The following FSIP1 variants were observed in gnomAD, a reference collection of about 807,000 sequenced individuals.
FSIP1 encodes fibrous sheath interacting protein 1, also known as fibrous sheath-interacting protein 1.
Under a neutral mutation model 60.9 loss-of-function variants are expected in FSIP1, and 65 were observed. That is an observed-to-expected ratio of 1.07 (90% CI 0.87 to 1.31). The LOEUF is 1.31. Among genes scored for constraint, FSIP1 ranks in the 40% most tolerant of loss-of-function variants. The probability of loss-of-function intolerance (pLI) is 0.00; values close to 1 mark genes in which losing one functional copy is unlikely to be tolerated. For synonymous variants in FSIP1, 209 were observed against 221.2 expected (o/e 0.94, Z 0.49); for missense variants, 675 against 665.5 (o/e 1.01, Z -0.16).
intron 10 of FSIP1, among the ~76,000 whole-genome samples, chr15:39,634,630 C>A (rs1337588380): frequency 6.6e-6 from 1 of 152,218 alleles, no homozygotes; most frequent in South Asian, 2.1e-4. Flanking sequence ...CTTTCTCAAA[C>A]CATTTTCCCC....
intron 6 of FSIP1, among the ~76,000 whole-genome samples, chr15:39,740,663 G>A (rs185125379): frequency 6.6e-6 from 1 of 152,084 alleles, no homozygotes; most frequent in Non-Finnish European, 1.5e-5. Flanking sequence ...ATTTAATTTT[G>A]TTTTATAAGG....
intron 8 of FSIP1, among the ~76,000 whole-genome samples, chr15:39,732,589 A>C (rs1210951199): frequency 7.2e-6 from 1 of 138,334 alleles, no homozygotes; most frequent in Non-Finnish European, 1.5e-5. Flanking sequence ...ATTGCACTCC[A>C]GTGTGGGTGA....
chr15:39,619,917 G>A (rs1332356764), intron 10 of FSIP1, among the ~76,000 whole-genome samples: 2 of 152,116 alleles, frequency 1.3e-5, no homozygotes, highest in Non-Finnish European at 1.5e-5. Context: ...AAGGGTAGGA[G>A]GGAGGATTGG....
intron 10 of FSIP1, among the ~76,000 whole-genome samples, chr15:39,660,354 G>T (rs1356499496): frequency 6.6e-6 from 1 of 152,152 alleles, no homozygotes; most frequent in African/African-American, 2.4e-5. Flanking sequence ...TAGCCCACAC[G>T]ACATTCAAAT....
intron 5 of FSIP1, among the ~76,000 whole-genome samples, chr15:39,753,344 C>A (rs941081824): frequency 1.5e-4 from 23 of 152,154 alleles, no homozygotes; most frequent in African/African-American, 5.5e-4. Context: ...GTTCACACAG[C>A]CTGACAAAGC....
intron 10 of FSIP1, among the ~76,000 whole-genome samples, chr15:39,620,002 AT>A (rs1445276542): frequency 6.6e-6 from 1 of 152,190 alleles, no homozygotes; most frequent in East Asian, 1.9e-4. Flanking sequence ...CTGATGATGT[AT>A]TTGGCTAAAT....
chr15:39,675,665 G>C (rs183153254), intron 10 of FSIP1, among the ~76,000 whole-genome samples: 17 of 151,938 alleles, frequency 1.1e-4, no homozygotes, highest in Admixed American at 9.2e-4. Context: ...ATTAAACCAG[G>C]GATCAACGTA....
intron 5 of FSIP1, among the ~76,000 whole-genome samples, chr15:39,758,129 C>G (rs145404723): frequency 3.7e-4 from 57 of 152,188 alleles, no homozygotes; most frequent in African/African-American, 1.4e-3. Context: ...AGTCACATAA[C>G]TCCAGAAATA....
intron 10 of FSIP1, among the ~76,000 whole-genome samples, chr15:39,646,572 G>A (rs1160857755): frequency 1.4e-5 from 2 of 138,616 alleles, no homozygotes; most frequent in Non-Finnish European, 3.1e-5. Flanking sequence ...ATGTGTGCCT[G>A]TAGTCCCAGC....
intron 10 of FSIP1, among the ~76,000 whole-genome samples, 190 bp downstream of exon 10, chr15:39,713,254 T>C (rs1595649251): frequency 6.6e-6 from 1 of 152,154 alleles, no homozygotes; most frequent in Admixed American, 6.5e-5. Flanking sequence ...GTACAAGTGT[T>C]GGTTACAATT....
At chr15:39,779,009 G>A (rs1284909234) in intron 1 of FSIP1, among the ~76,000 whole-genome samples, 2 of 152,090 alleles carry the variant, frequency 1.3e-5, no homozygotes, top group African/African-American at 2.4e-5. Flanking sequence ...ATGTGGCTAC[G>A]TAATAGTTAA....
chr15:39,644,255 C>T (rs931548568), intron 10 of FSIP1, among the ~76,000 whole-genome samples: 8 of 152,318 alleles, frequency 5.3e-5, no homozygotes, highest in Non-Finnish European at 8.8e-5. Flanking sequence ...CCCCTCGCTA[C>T]AGGAAAATGC....
intron 8 of FSIP1, among the ~76,000 whole-genome samples, chr15:39,735,746 CAT>C (rs1316781730): frequency 6.6e-6 from 1 of 152,100 alleles, no homozygotes; most frequent in Non-Finnish European, 1.5e-5. Flanking sequence ...TAGCTTAAAA[CAT>C]AAACACAGTA....
chr15:39,654,294 G>A (rs1297821994), intron 10 of FSIP1, among the ~76,000 whole-genome samples: 5 of 152,100 alleles, frequency 3.3e-5, no homozygotes, highest in African/African-American at 4.8e-5. Flanking sequence ...ACTTTTATAC[G>A]AATGACAGCA....
At chr15:39,709,253 C>G (rs953132142) in intron 10 of FSIP1, among the ~76,000 whole-genome samples, 1 of 152,172 alleles carries the variant, frequency 6.6e-6, no homozygotes, top group Non-Finnish European at 1.5e-5. Context: ...CACAGATTAC[C>G]TCTTCCACCA....
chr15:39,728,806 A>G lies in FSIP1; in HGVS notation c.892-2059T>C, dbSNP rs373542798. ...TTCTGCACAGCAAGAGAAACTATCA[A>G]TAGGGTAAACACAATTACAGAATGG... On this transcript the variant is annotated intron_variant, in intron 8 of 11. Coordinates refer to ENST00000350221, the MANE Select transcript of FSIP1 (RefSeq NM_152597.5). Among the ~76,000 whole-genome samples the G allele has an allele frequency of 2.0e-4, 31 of 152,328 alleles. No individual in the cohort carries two copies. In the South Asian group the frequency reaches 6.4e-3, roughly 32 times the overall value.
At chr15:39,706,680 C>T (rs536849556) in intron 10 of FSIP1, among the ~76,000 whole-genome samples, 1 of 152,306 alleles carries the variant, frequency 6.6e-6, no homozygotes, top group Admixed American at 6.5e-5. Flanking sequence ...AATCCCAACA[C>T]ACTTTTCCCT....
At chr15:39,678,917 C>A (rs1047604620) in intron 10 of FSIP1, among the ~76,000 whole-genome samples, 2 of 152,110 alleles carry the variant, frequency 1.3e-5, no homozygotes, top group Admixed American at 6.5e-5. Flanking sequence ...TTTTTTAATT[C>A]TTTGGGTATT....
intron 10 of FSIP1, among the ~76,000 whole-genome samples, chr15:39,663,461 A>G (rs1341614166): frequency 6.6e-6 from 1 of 152,174 alleles, no homozygotes; most frequent in Non-Finnish European, 1.5e-5. Context: ...AATATATCCA[A>G]CTCAATACCC....
Sources: allele counts gnomAD v4.1 joint callset (sites outside exome capture counted in the v4.1 genomes callset), GRCh38; gene constraint gnomAD v4.1.1; transcripts MANE v1.5; gene names NCBI Gene and HGNC (gene_info 2026-07-23, HGNC 2026-07-21).